The following CDKAL1 variants were observed in gnomAD, a reference collection of about 807,000 sequenced individuals.
CDKAL1 encodes threonylcarbamoyladenosine tRNA methylthiotransferase.
A neutral mutation model predicts 68.2 loss-of-function variants in CDKAL1; 32 were observed. The ratio of observed to expected loss-of-function variants is 0.47; its 90% CI spans 0.35 to 0.63. CDKAL1 has a LOEUF of 0.63. Among genes scored for constraint, CDKAL1 ranks in the 30% least tolerant of loss-of-function variants. CDKAL1 has a pLI of 0.00. For synonymous variants in CDKAL1, 234 were observed against 244.3 expected, an observed-to-expected ratio of 0.96 and a Z score of 0.39; for missense variants, 606 against 696.7, an observed-to-expected ratio of 0.87 and a Z score of 1.47.
chr6:20,928,892 C>T (rs964121231), intron 9 of CDKAL1, among the ~76,000 whole-genome samples: 11 of 151,920 alleles, frequency 7.2e-5, no homozygotes, highest in Admixed American at 6.6e-4. Context: ...AATTATGAAC[C>T]TTTTTCATAC....
In CDKAL1 at chr6:20,724,499, T is replaced by C. The variant is rs756608226; in HGVS notation, c.372-15020T>C. Among the ~76,000 whole-genome samples the C allele has an allele frequency of 5.9e-5, 9 of 152,128 alleles. No homozygotes were observed. The South Asian group carries it at 8.3e-4, about 14-fold the overall frequency. ...TGGGAGGCCAAGGAGGACAGATGGC[T>C]TGAGTTTAGGAGATCCAGAACAGTG... On this transcript the variant is annotated intron_variant, in intron 5 of 15. Transcript: ENST00000274695.
chr6:21,153,694 T>G (rs1364321602), intron 13 of CDKAL1, among the ~76,000 whole-genome samples: 1 of 151,338 alleles, frequency 6.6e-6, no homozygotes, highest in Non-Finnish European at 1.5e-5. Context: ...AATAGAGGGA[T>G]TTTTTTCTCT....
At chr6:20,610,647 TTTCTC>T (rs1766578723) in intron 4 of CDKAL1, among the ~76,000 whole-genome samples, 1 of 152,154 alleles carries the variant, frequency 6.6e-6, no homozygotes, top group African/African-American at 2.4e-5. Flanking sequence ...TTTCCCTCCT[TTTCTC>T]TTATTTTCCT....
chr6:20,824,946 G>A lies in CDKAL1; in HGVS notation c.639-21129G>A, dbSNP rs538672982. Among the ~76,000 whole-genome samples the A allele has an allele frequency of 2.9e-4, 44 of 151,950 alleles. 2 individuals carry two copies. In the South Asian group the frequency reaches 8.7e-3, roughly 30 times the overall value. ...TTGTGATAATTAGCTAATATATCTT[G>A]CTTCTTTTTCCTCTTATAGCAGATA... is the stretch of plus-strand genomic sequence containing the variant. On this transcript the variant is annotated intron_variant, in intron 8 of 15. Coordinates refer to ENST00000274695, the MANE Select transcript of CDKAL1 (RefSeq NM_017774.3).
At chr6:21,198,815 CA>C (rs1433821763) in intron 14 of CDKAL1, among the ~76,000 whole-genome samples, 1 of 152,182 alleles carries the variant, frequency 6.6e-6, no homozygotes, top group African/African-American at 2.4e-5. Flanking sequence ...ACTTCTGTTT[CA>C]GCATCAGGGT....
intron 10 of CDKAL1, among the ~76,000 whole-genome samples, chr6:20,968,724 A>AT (rs1765450169): frequency 6.6e-6 from 1 of 151,954 alleles, no homozygotes; most frequent in Non-Finnish European, 1.5e-5. Flanking sequence ...GTTCTTATAC[A>AT]TTCTATATCA....
chr6:20,754,738 C>A (rs1446827583), intron 6 of CDKAL1, among the ~76,000 whole-genome samples: 15 of 152,250 alleles, frequency 9.9e-5, no homozygotes, highest in Non-Finnish European at 1.5e-5. Context: ...CTCTCATTTT[C>A]TGTGTTGTCA....
At chr6:21,176,976 C>T (rs1777610192) in intron 13 of CDKAL1, among the ~76,000 whole-genome samples, 1 of 152,074 alleles carries the variant, frequency 6.6e-6, no homozygotes, top group Non-Finnish European at 1.5e-5. Flanking sequence ...GGATTACAGG[C>T]GTGAGCCACT....
chr6:21,168,094 G>A (rs1416746421), intron 13 of CDKAL1, among the ~76,000 whole-genome samples: 1 of 152,250 alleles, frequency 6.6e-6, no homozygotes, highest in Non-Finnish European at 1.5e-5. Context: ...TTGACCATAG[G>A]AAGCATGCTG....
chr6:20,939,773 A>G (rs961553620), intron 9 of CDKAL1, among the ~76,000 whole-genome samples: 27 of 152,312 alleles, frequency 1.8e-4, no homozygotes, highest in African/African-American at 6.0e-4. Context: ...TGCTTTGGTA[A>G]TGATAATTCA....
intron 4 of CDKAL1, among the ~76,000 whole-genome samples, chr6:20,571,538 A>T (rs1003835861): frequency 6.6e-6 from 1 of 152,092 alleles, no homozygotes; most frequent in African/African-American, 2.4e-5. Context: ...TTATGGATGA[A>T]GTGGATTGAC....
intron 7 of CDKAL1, among the ~76,000 whole-genome samples, chr6:20,771,338 G>A (rs1191718083): frequency 2.0e-5 from 3 of 152,166 alleles, no homozygotes; most frequent in Non-Finnish European, 2.9e-5. Flanking sequence ...GAAGCAAAGT[G>A]AGCTCCAGGG....
intron 7 of CDKAL1, among the ~76,000 whole-genome samples, chr6:20,778,095 TAAAA>T (rs916090371): frequency 6.6e-6 from 1 of 152,050 alleles, no homozygotes; most frequent in African/African-American, 2.4e-5. Context: ...ATATTCATAT[TAAAA>T]AAAGAGCTTA....
chr6:20,785,513 A>G (rs956422864), intron 8 of CDKAL1, among the ~76,000 whole-genome samples: 4 of 151,554 alleles, frequency 2.6e-5, no homozygotes, highest in African/African-American at 9.7e-5. Context: ...GGGTTTCACT[A>G]TATTGGCCAG....
intron 4 of CDKAL1, among the ~76,000 whole-genome samples, chr6:20,632,079 T>A (rs1164727470): frequency 6.6e-6 from 1 of 152,232 alleles, no homozygotes; most frequent in African/African-American, 2.4e-5. Context: ...GCCCCTTGAC[T>A]TAGGATGGGG....
intron 8 of CDKAL1, among the ~76,000 whole-genome samples, chr6:20,800,916 CTCTT>C (rs538395302): frequency 2.2e-3 from 339 of 150,944 alleles, no homozygotes; most frequent in Middle Eastern, 7.4e-3. Context: ...ACCCAACCAA[CTCTT>C]TCTTTCTTTT....
chr6:20,873,795 C>G (rs1760345813), intron 9 of CDKAL1, among the ~76,000 whole-genome samples: 6 of 152,104 alleles, frequency 3.9e-5, no homozygotes, highest in Admixed American at 2.6e-4. Flanking sequence ...TTTTAATATT[C>G]TTTGAGCCTT....
intron 15 of CDKAL1, among the ~76,000 whole-genome samples, chr6:21,228,467 G>C (rs1779834027): frequency 6.6e-6 from 1 of 152,172 alleles, no homozygotes; most frequent in Admixed American, 6.5e-5. Context: ...ATAAAGTGAT[G>C]GTTTAATTGC....
At chr6:21,124,709 G>A (rs930872131) in intron 13 of CDKAL1, among the ~76,000 whole-genome samples, 7 of 151,310 alleles carry the variant, frequency 4.6e-5, no homozygotes, top group Non-Finnish European at 1.0e-4. Flanking sequence ...GGTTCACTTG[G>A]TGGCAGTTTT....
Sources: gnomAD v4.1 joint callset for allele counts (sites outside exome capture counted in the v4.1 genomes callset) on GRCh38, gnomAD v4.1.1 for gene constraint, MANE v1.5 for transcripts, NCBI Gene and HGNC (gene_info 2026-07-23, HGNC 2026-07-21) for gene names.